FMN2: variants seen among roughly 807,000 people sequenced by gnomAD.
FMN2 encodes formin 2.
FMN2 carries 51 observed loss-of-function variants against 142.3 expected under a neutral mutation model. The ratio of observed to expected loss-of-function variants is 0.36; its 90% confidence interval spans 0.29 to 0.45. The LOEUF is 0.45. Ranked by LOEUF, FMN2 falls within the 20% of genes least tolerant of loss-of-function variation. The pLI is 1.00. For synonymous variants in FMN2, 882 were observed against 869.8 expected, an observed-to-expected ratio of 1.01 and a Z score of -0.25; for missense variants, 1,936 against 2,122.8, an observed-to-expected ratio of 0.91 and a Z score of 1.73.
At chr1:240,449,862 C>T (rs1572327961) in intron 16 of FMN2, among the ~76,000 whole-genome samples, 1 of 152,000 alleles carries the variant, frequency 6.6e-6, no homozygotes, top group East Asian at 1.9e-4. Context: ...TTGTTAAGTA[C>T]TTATCACAAT....
chr1:240,123,321 C>G lies in FMN2; in HGVS notation c.1758C>G (p.Ala586=), dbSNP rs1240021397. The change falls in exon 2 of 18, where the codon GCC becomes GCG. Residue 586 remains alanine, a synonymous_variant. Transcript: ENST00000319653. The stretch of plus-strand genomic sequence containing the variant: ...TCAGGGAACCGTGTAATCAGAATGC[C>G]CAGACGAATGCAGCTTCGTTTGATG... ...DCFREPCNQN[A]QTNAASFDQD... is the part of the protein sequence containing the mutation. 1.9e-6 allele frequency: 3 copies of G among 1,613,882 alleles called. No homozygotes were observed. Among genetic ancestry groups the G allele is most frequent in the South Asian group, 2.2e-5 (2 of 91,052 alleles).
At chr1:240,357,610 GTTTT>G (rs11293253) in intron 14 of FMN2, among the ~76,000 whole-genome samples, 1 of 138,426 alleles carries the variant, frequency 7.2e-6, no homozygotes, top group Non-Finnish European at 1.6e-5. Flanking sequence ...AACCTTACGG[GTTTT>G]TTTTTTTTTT....
At chr1:240,230,532 C>A (rs1256250615) in intron 6 of FMN2, among the ~76,000 whole-genome samples, 1 of 131,612 alleles carries the variant, frequency 7.6e-6, no homozygotes, top group African/African-American at 3.3e-5. Flanking sequence ...GGAATGTAGG[C>A]AAGGCTTTTC....
chr1:240,438,522 A>G (rs910987405), intron 16 of FMN2, among the ~76,000 whole-genome samples: 2 of 152,232 alleles, frequency 1.3e-5, no homozygotes, highest in African/African-American at 4.8e-5. Flanking sequence ...CCCTGCTGCA[A>G]TGGCAGACCC....
chr1:240,419,783 G>A (rs939202266), intron 15 of FMN2, among the ~76,000 whole-genome samples: 3 of 152,096 alleles, frequency 2.0e-5, no homozygotes, highest in Non-Finnish European at 4.4e-5. Context: ...TTGGTCAGGG[G>A]GTCCTGGATC....
chr1:240,427,288 C>A (rs1674983880), intron 15 of FMN2, among the ~76,000 whole-genome samples: 1 of 151,786 alleles, frequency 6.6e-6, no homozygotes, highest in Non-Finnish European at 1.5e-5. Context: ...TCACTGCAAG[C>A]TCCGCCTCCT....
intron 2 of FMN2, among the ~76,000 whole-genome samples, chr1:240,148,159 GACGGAGAGACAC>G (rs1398307233): frequency 1.3e-5 from 2 of 152,170 alleles, no homozygotes; most frequent in South Asian, 2.1e-4. Flanking sequence ...AGCCAAGAGA[GACGGAGAGACAC>G]ACGGAGAGAG....
In FMN2 at chr1:240,180,575, T is replaced by TC. The variant is rs1665108729; in HGVS notation, c.1930+2507_1930+2508insC. ...ATATAACACATGACCCCTTTTTTTT[T>TC]TTTTTTTTTTTAATGGATTCTTACT... On this transcript the variant is annotated intron_variant, in intron 3 of 17. Coordinates refer to ENST00000319653, the MANE Select transcript of FMN2 (RefSeq NM_020066.5). Among the ~76,000 whole-genome samples the TC allele has an allele frequency of 2.0e-5, 3 of 150,628 alleles. No individual in the cohort carries two copies. The East Asian group carries it at 5.9e-4, about 29-fold the overall frequency.
intron 2 of FMN2, 31 bp from the exon 3 acceptor site, chr1:240,177,890 G>T (rs766476454): frequency 1.3e-6 from 2 of 1,516,800 alleles, no homozygotes; most frequent in East Asian, 2.3e-5. Flanking sequence ...TGAATTAATA[G>T]CATTTCAACA....
chr1:240,210,743 TAAGTC>T (rs1172289664), intron 5 of FMN2, among the ~76,000 whole-genome samples: 1 of 152,192 alleles, frequency 6.6e-6, no homozygotes, highest in Non-Finnish European at 1.5e-5. Context: ...GCAAAGTTGT[TAAGTC>T]AAGTTGGGAT....
At chr1:240,094,494 T>C (rs1362527492) in intron 1 of FMN2, among the ~76,000 whole-genome samples, 2 of 152,160 alleles carry the variant, frequency 1.3e-5, no homozygotes, top group Admixed American at 1.3e-4. Flanking sequence ...GCATATGTTA[T>C]AGACTCATAC....
intron 1 of FMN2, among the ~76,000 whole-genome samples, chr1:240,111,795 G>GGTTCA (rs756752106): frequency 7.2e-5 from 11 of 152,042 alleles, no homozygotes; most frequent in Admixed American, 1.3e-4. Context: ...GAGTCACTCT[G>GGTTCA]GTTCAAACGC....
At chr1:240,303,861 T>C (rs897336088) in intron 8 of FMN2, among the ~76,000 whole-genome samples, 1 of 152,188 alleles carries the variant, frequency 6.6e-6, no homozygotes, top group African/African-American at 2.4e-5. Context: ...CATTTTTCTT[T>C]TTCTGTTCTT....
chr1:240,351,938 T>C (rs1420577131), intron 13 of FMN2, among the ~76,000 whole-genome samples: 1 of 152,162 alleles, frequency 6.6e-6, no homozygotes, highest in East Asian at 1.9e-4. Context: ...ATGTGTATGA[T>C]GTCATGAATA....
chr1:240,294,886 G>A lies in FMN2; in HGVS notation c.4215+3G>A. ...CCCTTCAAGCTCTCTATGAGAATGTGAGTAATAGAAGGAATTTTATGTGTG... is the reference window on the plus strand; with the variant it reads ...CCCTTCAAGCTCTCTATGAGAATGTAAGTAATAGAAGGAATTTTATGTGTG... On this transcript the variant is annotated splice_donor_region_variant and intron_variant, in intron 8 of 17. Transcript: ENST00000319653. 6.2e-7 allele frequency: 1 copy of A among 1,612,878 alleles called. No individual in the cohort carries two copies. The highest frequency in any genetic ancestry group is 8.5e-7 in the Non-Finnish European group (1 of 1,179,058).
chr1:240,413,148 A>AAGC (rs1674469824), intron 15 of FMN2, among the ~76,000 whole-genome samples: 1 of 148,404 alleles, frequency 6.7e-6, no homozygotes, highest in Non-Finnish European at 1.5e-5. Context: ...AAAAAAAAAA[A>AAGC]AGCAGCAAAT....
intron 1 of FMN2, among the ~76,000 whole-genome samples, chr1:240,094,004 C>A (rs924911220): frequency 6.6e-6 from 1 of 152,208 alleles, no homozygotes; most frequent in Non-Finnish European, 1.5e-5. Flanking sequence ...ACCTGCTATT[C>A]ACAAAGTTTC....
intron 14 of FMN2, among the ~76,000 whole-genome samples, chr1:240,389,876 G>A (rs1673548297): frequency 6.6e-6 from 1 of 152,144 alleles, no homozygotes; most frequent in African/African-American, 2.4e-5. Flanking sequence ...AGGATGACAG[G>A]AGGAATTGCA....
intron 1 of FMN2, among the ~76,000 whole-genome samples, chr1:240,122,758 G>GA (rs1030329210): frequency 6.6e-6 from 1 of 151,782 alleles, no homozygotes; most frequent in Non-Finnish European, 1.5e-5. Context: ...GTCTATTAAA[G>GA]AAAAAAAATC....
Sources: gnomAD v4.1 joint callset for allele counts (sites outside exome capture counted in the v4.1 genomes callset) on GRCh38, gnomAD v4.1.1 for gene constraint, MANE v1.5 for transcripts, NCBI Gene and HGNC (gene_info 2026-07-23, HGNC 2026-07-21) for gene names.